The following GOLGA4 variants were observed in gnomAD, a reference collection of about 807,000 sequenced individuals.
GOLGA4 encodes the protein golgin subfamily A member 4.
Under a neutral mutation model 265.9 loss-of-function variants are expected in GOLGA4, and 169 were observed. That is an observed-to-expected ratio of 0.64 (90% CI 0.56 to 0.72). The LOEUF is 0.72. Among genes scored for constraint, GOLGA4 ranks in the 30% least tolerant of loss-of-function variants. GOLGA4 has a pLI of 0.00. For synonymous variants in GOLGA4, 923 were observed against 855.8 expected, an observed-to-expected ratio of 1.08 and a Z score of -1.37; for missense variants, 2,482 against 2,483.4, an observed-to-expected ratio of 1.00 and a Z score of 0.01.
intron 16 of GOLGA4, among the ~76,000 whole-genome samples, chr3:37,333,489 G>A (rs1166186210): frequency 1.3e-5 from 2 of 152,058 alleles, no homozygotes; most frequent in African/African-American, 4.8e-5. Flanking sequence ...AATTATTGGG[G>A]GGGCTTGCTT....
chr3:37,276,599 G>A (rs2096819855), intron 2 of GOLGA4: 5 of 1,578,664 alleles, frequency 3.2e-6, no homozygotes, highest in Admixed American at 1.7e-5. Context: ...GTTCTGTTGA[G>A]TTGGAAGAAT....
intron 5 of GOLGA4, among the ~76,000 whole-genome samples, chr3:37,293,604 T>C (rs2096870518): frequency 6.6e-6 from 1 of 152,238 alleles, no homozygotes; most frequent in African/African-American, 2.4e-5. Flanking sequence ...GATAAAGAGC[T>C]GTCTAATACT....
At chr3:37,262,599 T>C (rs970777881) in intron 2 of GOLGA4, among the ~76,000 whole-genome samples, 1 of 151,956 alleles carries the variant, frequency 6.6e-6, no homozygotes, top group Non-Finnish European at 1.5e-5. Context: ...GAGAAAATTA[T>C]AGAATTCAGA....
intron 23 of GOLGA4, 85 bp downstream of exon 23, chr3:37,361,390 C>T: frequency 1.1e-6 from 1 of 892,650 alleles, no homozygotes; most frequent in Admixed American, 2.0e-5. Context: ...AATTCTTTTG[C>T]TCTTGTTTAA....
At position 37,296,195 on chromosome 3, in the gene GOLGA4, C is replaced by CTTTCTGAATCCACTT; in HGVS notation, c.790_791insTTTCTGAATCCACTT (p.Pro264delinsLeuSerGluSerThrSer). The CTTTCTGAATCCACTT allele has an allele frequency of 6.2e-7, 1 of 1,614,026 alleles. No homozygotes were observed. Among genetic ancestry groups the CTTTCTGAATCCACTT allele is most frequent in the Admixed American group, 1.7e-5 (1 of 60,018 alleles). The stretch of plus-strand genomic sequence containing the variant: ...TGAAGTCTTCACTAAAGAAGAGAAT[C>CTTTCTGAATCCACTT]CAGAAAGTGATGGAGAGCCAGTAGG... On this transcript the variant is annotated protein_altering_variant, in exon 7 of 24. Transcript: ENST00000361924.
rs1361727667 is a variant in GOLGA4 at position 37,337,840 on chromosome 3, C to A, written c.6396+106C>A. 1.3e-5 allele frequency: 9 copies of A among 682,220 alleles called. No homozygotes were observed. In the South Asian group the frequency reaches 1.5e-4, roughly 11 times the overall value. The allele number at this position is 682,220 out of a possible 1,614,324, so 42.3% of individuals were successfully genotyped here. On this transcript the variant is annotated intron_variant, in intron 19 of 23. Coordinates refer to ENST00000361924, the MANE Select transcript of GOLGA4 (RefSeq NM_002078.5). The stretch of plus-strand genomic sequence containing the variant: ...TTGGCTTTGAAATTTTTCAGTCTTA[C>A]ACCCAGGAAATTTTATTTCCAAATC...
At chr3:37,245,746 A>G (rs2096717549) in intron 1 of GOLGA4, among the ~76,000 whole-genome samples, 1 of 152,028 alleles carries the variant, frequency 6.6e-6, no homozygotes, top group Non-Finnish European at 1.5e-5. Context: ...ATCCTTTTGG[A>G]TTATATGTAT....
intron 10 of GOLGA4, among the ~76,000 whole-genome samples, chr3:37,311,128 ACTCTC>A (rs1212988346): frequency 6.6e-6 from 1 of 151,902 alleles, no homozygotes; most frequent in Non-Finnish European, 1.5e-5. Context: ...TAGTAAGTAA[ACTCTC>A]AGTATATCCT....
Position 37,364,522 on chromosome 3 carries a change from G to A in GOLGA4, c.*34-1558G>A, listed in dbSNP as rs189800983. On this transcript the variant is annotated intron_variant, in intron 23 of 23. Transcript: ENST00000361924. ...CTCCCATAGTGCTGGGATTACAGGC[G>A]TGAGCCACTGCTCCTGGCCAGCATT... is the stretch of plus-strand genomic sequence containing the variant. Among the ~76,000 whole-genome samples, 191 of 151,550 alleles carry A rather than the reference G, an allele frequency of 1.3e-3. 1 individual carries two copies. Among genetic ancestry groups the A allele is most frequent in the South Asian group, 4.8e-3 (23 of 4,804 alleles).
intron 2 of GOLGA4, chr3:37,273,553 C>G (rs534199034): frequency 9.9e-6 from 15 of 1,510,112 alleles, no homozygotes; most frequent in Non-Finnish European, 1.3e-5. Flanking sequence ...CTACTCATGC[C>G]TCGAAATCTC....
Position 37,302,195 on chromosome 3 carries a change from T to A in GOLGA4, c.1097T>A (p.Ile366Asn), listed in dbSNP as rs1383612432. The A allele has an allele frequency of 6.2e-7, 1 of 1,613,206 alleles. No homozygotes were observed. The highest frequency in any genetic ancestry group is 1.1e-5 in the South Asian group (1 of 91,044). Residue 366 changes from isoleucine (I) to asparagine (N), a missense_variant, in exon 10 of 24, where the codon ATC becomes AAC. Transcript: ENST00000361924. ...TTCACTTCTATTCAGGGAATGGTAA[T>A]CGCAGAGACAAAACGTCAGATGCAT... ...EQLEQDKGMVIAETKRQMHET... is the reference protein window; with the variant it reads ...EQLEQDKGMVNAETKRQMHET...
At chr3:37,347,795 G>A (rs2097060771) in intron 21 of GOLGA4, among the ~76,000 whole-genome samples, 1 of 152,030 alleles carries the variant, frequency 6.6e-6, no homozygotes, top group African/African-American at 2.4e-5. Context: ...ATAATGCTTG[G>A]CTAATTTGTT....
intron 2 of GOLGA4, among the ~76,000 whole-genome samples, chr3:37,268,170 T>A (rs1578417119): frequency 6.6e-6 from 1 of 152,074 alleles, no homozygotes; most frequent in South Asian, 2.1e-4. Context: ...CACCCTCAAA[T>A]CCCTGGGCTC....
intron 17 of GOLGA4, 97 bp from the exon 18 acceptor site, chr3:37,337,046 T>C: frequency 1.3e-6 from 1 of 797,688 alleles, no homozygotes; most frequent in Middle Eastern, 2.3e-4. Flanking sequence ...CTCTTAACCC[T>C]GACTTCCTTT....
intron 10 of GOLGA4, among the ~76,000 whole-genome samples, chr3:37,311,650 G>C (rs1239393362): frequency 6.6e-6 from 1 of 152,132 alleles, no homozygotes; most frequent in Non-Finnish European, 1.5e-5. Context: ...TTTCTTTCTA[G>C]GTGTGAAATT....
chr3:37,305,729 T>C (rs1050352756), intron 10 of GOLGA4, among the ~76,000 whole-genome samples: 1 of 152,222 alleles, frequency 6.6e-6, no homozygotes, highest in African/African-American at 2.4e-5. Context: ...GAAGTAGATA[T>C]GTCTACATAA....
chr3:37,285,252 C>T (rs138083028), intron 3 of GOLGA4, among the ~76,000 whole-genome samples: 4 of 151,026 alleles, frequency 2.6e-5, no homozygotes, highest in African/African-American at 9.8e-5. Flanking sequence ...CCTTCTACCT[C>T]GGCCTCTCAA....
chr3:37,339,028 A>T (rs2097024037), intron 19 of GOLGA4, among the ~76,000 whole-genome samples: 1 of 151,558 alleles, frequency 6.6e-6, no homozygotes, highest in African/African-American at 2.4e-5. Flanking sequence ...CGCCCGGCTA[A>T]TTTTTTTGTA....
chr3:37,264,922 A>G (rs2096779518), intron 2 of GOLGA4, among the ~76,000 whole-genome samples: 2 of 151,922 alleles, frequency 1.3e-5, no homozygotes, highest in Non-Finnish European at 2.9e-5. Context: ...TTTAGTTTTT[A>G]TTTAGAAATA....
Sources: gnomAD v4.1 joint callset for allele counts (sites outside exome capture counted in the v4.1 genomes callset) on GRCh38, gnomAD v4.1.1 for gene constraint, MANE v1.5 for transcripts, NCBI Gene and HGNC (gene_info 2026-07-23, HGNC 2026-07-21) for gene names.